RBMS2: variants seen among roughly 807,000 people sequenced by gnomAD.
RBMS2 encodes RNA-binding motif, single-stranded-interacting protein 2.
Under a neutral mutation model 58.4 loss-of-function variants are expected in RBMS2, and 38 were observed. The ratio of observed to expected loss-of-function variants is 0.65; its 90% CI spans 0.50 to 0.85. RBMS2 has a LOEUF of 0.85. RBMS2 is among the 40% of genes least tolerant of loss of function. The pLI, the probability that RBMS2 is intolerant of heterozygous loss-of-function variation, is 0.00. For synonymous variants in RBMS2, 151 were observed against 180.7 expected (o/e 0.84, Z 1.32); for missense variants, 367 against 503.7 (o/e 0.73, Z 2.60).
chr12:56,590,291 A>T lies in RBMS2; in HGVS notation c.*1158A>T, dbSNP rs1488036216. 1 of 152,146 alleles carries T rather than the reference A, an allele frequency of 6.6e-6. No homozygotes were observed. Among genetic ancestry groups the T allele is most frequent in the Non-Finnish European group, 1.5e-5 (1 of 68,054 alleles). The allele number at this position is 152,146 out of a possible 1,614,324, so 9.4% of individuals were successfully genotyped here. On this transcript the variant is annotated 3_prime_UTR_variant, in exon 14 of 14. Transcript: ENST00000262031. The stretch of plus-strand genomic sequence containing the variant: ...AGTTGAATCCACATAGGCTCCTTCC[A>T]CACGGTGGAAGATCTGCTGCTTCAC...
At chr12:56,571,318 T>A (rs1018584586) in intron 4 of RBMS2, among the ~76,000 whole-genome samples, 4 of 152,134 alleles carry the variant, frequency 2.6e-5, no homozygotes, top group Non-Finnish European at 4.4e-5. Context: ...TCTGCGTGGC[T>A]GGAAGAGAAG....
chr12:56,566,107 C>A (rs1203373418), intron 2 of RBMS2, among the ~76,000 whole-genome samples: 1 of 152,176 alleles, frequency 6.6e-6, no homozygotes, highest in East Asian at 1.9e-4. Flanking sequence ...TCCTCACCCT[C>A]CTTTTAATGT....
At chr12:56,524,603 C>T (rs1315572153) in intron 1 of RBMS2, among the ~76,000 whole-genome samples, 2 of 151,900 alleles carry the variant, frequency 1.3e-5, no homozygotes, top group Middle Eastern at 3.4e-3. Context: ...TTAGTAGAGA[C>T]GGGGTTTCAC....
intron 5 of RBMS2, among the ~76,000 whole-genome samples, chr12:56,578,577 T>C (rs1488648989): frequency 6.6e-6 from 1 of 152,234 alleles, no homozygotes; most frequent in Non-Finnish European, 1.5e-5. Flanking sequence ...TTAATGCCAG[T>C]TCTGTTTCTG....
chr12:56,524,781 G>C (rs1291092036), intron 1 of RBMS2, among the ~76,000 whole-genome samples: 1 of 151,928 alleles, frequency 6.6e-6, no homozygotes, highest in African/African-American at 2.4e-5. Context: ...ATGCAGTGGC[G>C]TGATTTCGGC....
chr12:56,555,175 G>GAAAGTT lies in RBMS2; in HGVS notation c.67-7240_67-7235dup, dbSNP rs1227622244. Among the ~76,000 whole-genome samples, 9 of 152,046 alleles carry GAAAGTT rather than the reference G, an allele frequency of 5.9e-5. No homozygotes were observed. In the Middle Eastern group the frequency reaches 0.014, roughly 230 times the overall value. ...TTGAGGACTACCTCTCTCTGACTCA[G>GAAAGTT]AAAGTTACTTTTGTTTAAATTATAT... is the stretch of plus-strand genomic sequence containing the variant. On this transcript the variant is annotated intron_variant, in intron 1 of 13. Transcript: ENST00000262031.
intron 5 of RBMS2, chr12:56,573,144 C>A: frequency 1.0e-6 from 1 of 984,392 alleles, no homozygotes; most frequent in Non-Finnish European, 1.2e-6. Context: ...TCCGTGAACA[C>A]CCCCTTACTC....
At chr12:56,588,613 C>T in intron 12 of RBMS2, 2 of 571,834 alleles carry the variant, frequency 3.5e-6, no homozygotes, top group Non-Finnish European at 6.2e-6. Context: ...TGAAGCGTTC[C>T]ATATTTAAAA....
chr12:56,520,690 G>C (rs752655419), upstream of RBMS2, among the ~76,000 whole-genome samples: 1 of 152,008 alleles, frequency 6.6e-6, no homozygotes, highest in African/African-American at 2.4e-5. Flanking sequence ...TCCTTCCTAA[G>C]AATTTTGTGT....
At chr12:56,583,485 C>A (rs1884253554) in intron 9 of RBMS2, among the ~76,000 whole-genome samples, 1 of 152,062 alleles carries the variant, frequency 6.6e-6, no homozygotes, top group South Asian at 2.1e-4. Context: ...GAAACCTAGT[C>A]TTTACTAAAA....
At chr12:56,574,678 A>G (rs1005239842) in intron 5 of RBMS2, among the ~76,000 whole-genome samples, 2 of 152,154 alleles carry the variant, frequency 1.3e-5, no homozygotes, top group African/African-American at 4.8e-5. Flanking sequence ...AATCTCTTAT[A>G]TGTTTCTATG....
intron 5 of RBMS2, among the ~76,000 whole-genome samples, chr12:56,576,141 C>T (rs925983894): frequency 1.3e-5 from 2 of 152,062 alleles, no homozygotes; most frequent in Non-Finnish European, 2.9e-5. Context: ...AGGTCAAGAC[C>T]AGCCTGGTCA....
Position 56,590,723 on chromosome 12 carries a change from C to T in RBMS2, c.*1590C>T, listed in dbSNP as rs1885246097. ...AGTGATTCTTGAAAGAGCTGTGGCT[C>T]CATGCTGAATGCACACATGTACTCA... On this transcript the variant is annotated 3_prime_UTR_variant, in exon 14 of 14. Transcript: ENST00000262031. 6.6e-6 allele frequency: 1 copy of T among 152,192 alleles called. No homozygotes were observed. The highest frequency in any genetic ancestry group is 1.5e-5 in the Non-Finnish European group (1 of 68,068). The allele number at this position is 152,192 out of a possible 1,614,324, so 9.4% of individuals were successfully genotyped here. A position where few individuals can be genotyped will look rare whatever the true frequency, so the allele number is the denominator to read the frequency against.
chr12:56,562,550 C>T lies in RBMS2; in HGVS notation c.200C>T (p.Thr67Ile), dbSNP rs779530500. The T allele has an allele frequency of 5.0e-6, 8 of 1,613,578 alleles. No individual in the cohort carries two copies. Among genetic ancestry groups the T allele is most frequent in the Middle Eastern group, 1.6e-4 (1 of 6,062 alleles). The change falls in exon 2 of 14, where the codon ACT (threonine) becomes ATT (isoleucine). Residue 67 changes from threonine to isoleucine, a missense_variant. By Grantham distance (89) the Thr-to-Ile change is moderately conservative (BLOSUM62 -1). Around this residue, in one of 3 missense-constraint regions of RBMS2, gnomAD observed 93 missense variants for 132.2 expected, o/e 0.70. Coordinates refer to ENST00000262031, the MANE Select transcript of RBMS2 (RefSeq NM_002898.4). ...TACATCCGAGGATTGCAACCAGGCA[C>T]TACTGACCAAGATCTTGTCAAGCTG... ...NLYIRGLQPG[T>I]TDQDLVKLCQ...
chr12:56,569,402 G>A (rs1325867763), intron 3 of RBMS2, among the ~76,000 whole-genome samples: 1 of 152,108 alleles, frequency 6.6e-6, no homozygotes, highest in Non-Finnish European at 1.5e-5. Flanking sequence ...TTCTGAGGGT[G>A]AGTAGTTTTA....
intron 5 of RBMS2, among the ~76,000 whole-genome samples, chr12:56,579,207 T>A (rs1883559086): frequency 6.6e-6 from 1 of 152,180 alleles, no homozygotes; most frequent in Non-Finnish European, 1.5e-5. Context: ...CTTGAGATTC[T>A]GAAATGCTCC....
At position 56,595,853 on chromosome 12, in the gene RBMS2, A is replaced by G. The variant is rs1328572042; in HGVS notation, c.*6720A>G. ...TTGTTCCCTTGCCTGTGGTCTCTTAAGCCAGTCATACCTATCCCAACGCCG... is the reference window on the plus strand; with the variant it reads ...TTGTTCCCTTGCCTGTGGTCTCTTAGGCCAGTCATACCTATCCCAACGCCG... On this transcript the variant is annotated 3_prime_UTR_variant, in exon 14 of 14. Coordinates refer to ENST00000262031, the MANE Select transcript of RBMS2 (RefSeq NM_002898.4). The G allele has an allele frequency of 6.7e-6, 1 of 148,408 alleles. No individual in the cohort carries two copies. The highest frequency in any genetic ancestry group is 1.9e-4 in the East Asian group (1 of 5,182). 9.2% of individuals were successfully genotyped at this position (148,408 alleles called of 1,614,324 possible).
intron 5 of RBMS2, chr12:56,573,136 C>T (rs527659097): frequency 1.0e-5 from 10 of 983,754 alleles, no homozygotes; most frequent in Middle Eastern, 5.2e-4. Flanking sequence ...TTGTCTGGTC[C>T]GTGAACACCC....
chr12:56,560,397 C>T lies in RBMS2; in HGVS notation c.67-2020C>T, dbSNP rs183734672. ...TCAGCCTCCTGAGTAGCTGGGACTACAGGTGCATGCCACCACACCTGGCTA... is the reference window on the plus strand; with the variant it reads ...TCAGCCTCCTGAGTAGCTGGGACTATAGGTGCATGCCACCACACCTGGCTA... On this transcript the variant is annotated intron_variant, in intron 1 of 13. Coordinates refer to ENST00000262031, the MANE Select transcript of RBMS2 (RefSeq NM_002898.4). 2.8e-4 allele frequency among the ~76,000 whole-genome samples: 43 copies of T among 152,002 alleles called. 1 individual carries two copies. Among genetic ancestry groups the T allele is most frequent in the Non-Finnish European group, 4.9e-4 (33 of 67,994 alleles).
Sources: gnomAD v4.1 joint callset for allele counts (sites outside exome capture counted in the v4.1 genomes callset) on GRCh38, gnomAD v4.1.1 for gene constraint, gnomAD v4.1.1 regional missense constraint, MANE v1.5 for transcripts, NCBI Gene and HGNC (gene_info 2026-07-23, HGNC 2026-07-21) for gene names.